Variants in RBM27 observed in about 807,000 individuals in gnomAD.
RBM27 encodes the protein RNA-binding protein 27.
Under a neutral mutation model 135.3 loss-of-function variants are expected in RBM27, and 22 were observed. The ratio of observed to expected loss-of-function variants is 0.16; its 90% CI spans 0.12 to 0.23. The LOEUF is 0.23. Ranked by LOEUF, RBM27 falls within the 10% of genes least tolerant of loss-of-function variation. The pLI is 1.00. For missense variants in RBM27, 1,009 were observed against 1,281.0 expected (o/e 0.79, Z 3.24); for synonymous variants, 481 against 442.4 (o/e 1.09, Z -1.10).
chr5:146,246,864 GTT>G (rs1280123997), intron 8 of RBM27, among the ~76,000 whole-genome samples: 21 of 135,084 alleles, frequency 1.6e-4, no homozygotes, highest in Admixed American at 4.5e-4. Flanking sequence ...TAGTGCTGTG[GTT>G]TTTTTTTTTT....
At chr5:146,206,303 G>GTTT (rs761175102) in intron 1 of RBM27, among the ~76,000 whole-genome samples, 4 of 89,936 alleles carry the variant, frequency 4.4e-5, no homozygotes, top group Non-Finnish European at 1.0e-4. Flanking sequence ...TTCGTTTTTT[G>GTTT]TTTTTTTTTT....
At chr5:146,252,999 T>C (rs1757960603) in intron 9 of RBM27, among the ~76,000 whole-genome samples, 1 of 152,116 alleles carries the variant, frequency 6.6e-6, no homozygotes, top group African/African-American at 2.4e-5. Flanking sequence ...ATTTATTTAT[T>C]TATTTTTGAG....
intron 19 of RBM27, among the ~76,000 whole-genome samples, chr5:146,281,042 G>A (rs1024024874): frequency 1.3e-5 from 2 of 152,048 alleles, no homozygotes; most frequent in African/African-American, 4.8e-5. Context: ...ATTTTTAGTA[G>A]TAGAGACGAG....
At chr5:146,281,765 T>G (rs1443342989) in intron 19 of RBM27, among the ~76,000 whole-genome samples, 1 of 152,202 alleles carries the variant, frequency 6.6e-6, no homozygotes, top group Non-Finnish European at 1.5e-5. Context: ...CTACTGCAAG[T>G]AATGAGAATT....
chr5:146,247,397 G>A (rs1174278812), intron 8 of RBM27, among the ~76,000 whole-genome samples: 1 of 152,064 alleles, frequency 6.6e-6, no homozygotes, highest in African/African-American at 2.4e-5. Flanking sequence ...TATCCAGTTA[G>A]TTTTCATATT....
chr5:146,263,058 A>G (rs1045154787), intron 13 of RBM27, among the ~76,000 whole-genome samples: 1 of 151,682 alleles, frequency 6.6e-6, no homozygotes, highest in Non-Finnish European at 1.5e-5. Flanking sequence ...CAATTTTTGT[A>G]TTTTTAGTAG....
chr5:146,204,255 G>A (rs546990715), intron 1 of RBM27, among the ~76,000 whole-genome samples: 1 of 152,172 alleles, frequency 6.6e-6, no homozygotes, highest in African/African-American at 2.4e-5. Flanking sequence ...GGGACTGAAA[G>A]GTCTAGAAGC....
At chr5:146,274,903 T>C (rs1759028249) in intron 19 of RBM27, among the ~76,000 whole-genome samples, 1 of 151,902 alleles carries the variant, frequency 6.6e-6, no homozygotes, top group African/African-American at 2.4e-5. Context: ...TGTGAGGAGA[T>C]ACAGATGATC....
chr5:146,230,711 A>C lies in RBM27; in HGVS notation c.644A>C (p.Tyr215Ser), dbSNP rs568366078. 6 of 1,613,904 alleles carry C rather than the reference A, an allele frequency of 3.7e-6. No homozygotes were observed. In the South Asian group the frequency reaches 6.6e-5, roughly 18 times the overall value. Residue 215 changes from tyrosine to serine, a missense_variant, in exon 6 of 21, where the codon TAT (tyrosine) becomes TCT (serine). This residue lies in a region of RBM27 where 268 missense variants were observed against 326.6 expected (regional missense o/e 0.82). Transcript: ENST00000265271. ...GAAAGGAATGACCTGGAGAGTTCCTATGTGCCTGTGTCTGCACCACCTCCA... is the reference window on the plus strand; with the variant it reads ...GAAAGGAATGACCTGGAGAGTTCCTCTGTGCCTGTGTCTGCACCACCTCCA... ...KSERNDLESS[Y>S]VPVSAPPPNS...
At chr5:146,253,214 TC>T (rs1425013882) in intron 9 of RBM27, among the ~76,000 whole-genome samples, 1 of 152,110 alleles carries the variant, frequency 6.6e-6, no homozygotes, top group Non-Finnish European at 1.5e-5. Flanking sequence ...GTCAGGCTGG[TC>T]TCGAACTCCT....
At position 146,218,978 on chromosome 5, in the gene RBM27, T is replaced by A; in HGVS notation, c.60-7T>A. 6.4e-7 allele frequency: 1 copy of A among 1,561,930 alleles called. No homozygotes were observed. Among genetic ancestry groups the A allele is most frequent in the Non-Finnish European group, 8.7e-7 (1 of 1,154,128 alleles). ...TTAAAATTTTTGTTTTCTCTTTGTC[T>A]AACTAGATGTGATGCTGATCCTTCA... On this transcript the variant is annotated splice_region_variant and splice_polypyrimidine_tract_variant and intron_variant, in intron 1 of 20. Coordinates refer to ENST00000265271, the MANE Select transcript of RBM27 (RefSeq NM_018989.2).
intron 1 of RBM27, among the ~76,000 whole-genome samples, chr5:146,209,071 T>C (rs1755828148): frequency 6.6e-6 from 1 of 152,202 alleles, no homozygotes; most frequent in Admixed American, 6.5e-5. Flanking sequence ...CTAACCTTTT[T>C]CTATTAAACA....
chr5:146,288,991 A>T lies in RBM27; in HGVS notation c.*2961A>T, dbSNP rs1333938562. Reference sequence around the variant, plus strand: ...AATTGTGAACTTGTGTAATAGTATAATAGGAGATATTGTTGAATTTCTAAC... The same window carrying T: ...AATTGTGAACTTGTGTAATAGTATATTAGGAGATATTGTTGAATTTCTAAC... On this transcript the variant is annotated 3_prime_UTR_variant, in exon 21 of 21. Transcript: ENST00000265271. 1 of 152,122 alleles carries T rather than the reference A, an allele frequency of 6.6e-6. No individual in the cohort carries two copies. Among genetic ancestry groups the T allele is most frequent in the African/African-American group, 2.4e-5 (1 of 41,448 alleles). The allele number at this position is 152,122 out of a possible 1,614,324, so 9.4% of individuals were successfully genotyped here.
chr5:146,274,804 A>G (rs1000229725), intron 19 of RBM27, among the ~76,000 whole-genome samples: 2 of 152,036 alleles, frequency 1.3e-5, no homozygotes, highest in East Asian at 1.9e-4. Context: ...ATAAAAACAT[A>G]CATTAATATA....
intron 9 of RBM27, 94 bp downstream of exon 9, chr5:146,251,969 T>C (rs1169579197): frequency 2.2e-6 from 3 of 1,348,642 alleles, no homozygotes; most frequent in African/African-American, 1.4e-5. Flanking sequence ...GATCTGCTGT[T>C]ACAAAGTCCC....
intron 19 of RBM27, among the ~76,000 whole-genome samples, chr5:146,279,009 C>G (rs1475248141): frequency 6.6e-6 from 1 of 152,086 alleles, no homozygotes; most frequent in African/African-American, 2.4e-5. Flanking sequence ...GCATCAGCCC[C>G]TGCGCCTGGC....
intron 2 of RBM27, among the ~76,000 whole-genome samples, chr5:146,221,889 A>G (rs1179944246): frequency 1.0e-5 from 1 of 96,848 alleles, no homozygotes; most frequent in African/African-American, 2.7e-5. Flanking sequence ...CTCTTTTATA[A>G]TAACATTTTA....
At position 146,279,578 on chromosome 5, in the gene RBM27, C is replaced by T. The variant is rs199921402; in HGVS notation, c.2989-5044C>T. 1.1e-4 allele frequency among the ~76,000 whole-genome samples: 16 copies of T among 151,998 alleles called. No homozygotes were observed. In the East Asian group the frequency reaches 2.3e-3, roughly 22 times the overall value. On this transcript the variant is annotated intron_variant, in intron 19 of 20. Coordinates refer to ENST00000265271, the MANE Select transcript of RBM27 (RefSeq NM_018989.2). ...ATCACAGCACTTTGGGAGGCCGAGG[C>T]GGGTGGATCACCTGACCTCAGGAGT...
chr5:146,203,910 G>C (rs948814629), intron 1 of RBM27, 86 bp downstream of exon 1: 26 of 1,179,938 alleles, frequency 2.2e-5, no homozygotes, highest in African/African-American at 4.8e-5. Context: ...GGCGTGGGGG[G>C]CGGCGCTGAG....
Sources: allele counts gnomAD v4.1 joint callset (sites outside exome capture counted in the v4.1 genomes callset), GRCh38; gene constraint gnomAD v4.1.1; regional missense constraint gnomAD v4.1.1; transcripts MANE v1.5; gene names NCBI Gene and HGNC (gene_info 2026-07-23, HGNC 2026-07-21).